ADARB2: variants seen among roughly 807,000 people sequenced by gnomAD.
ADARB2 encodes the protein inactive double-stranded RNA-specific editase B2.
Under a neutral mutation model 62.2 loss-of-function variants are expected in ADARB2, and 25 were observed. That is an observed-to-expected ratio of 0.40 (90% CI 0.29 to 0.56). The LOEUF is 0.56. Among genes scored for constraint, ADARB2 ranks in the 20% least tolerant of loss-of-function variants. ADARB2 has a pLI of 0.43. For synonymous variants in ADARB2, 572 were observed against 500.8 expected (o/e 1.14, Z -1.90); for missense variants, 1,071 against 1,077.4 (o/e 0.99, Z 0.08).
intron 7 of ADARB2, among the ~76,000 whole-genome samples, chr10:1,206,972 C>T (rs1837076716): frequency 6.6e-6 from 1 of 152,222 alleles, no homozygotes; most frequent in Non-Finnish European, 1.5e-5. Context: ...GGCAGCGGGG[C>T]TGCTGATTGT....
At chr10:1,363,979 C>T in intron 2 of ADARB2, 62 bp from the exon 3 acceptor site, 2 of 1,410,344 alleles carry the variant, frequency 1.4e-6, no homozygotes, top group Non-Finnish European at 1.8e-6. Context: ...ATGGGCACAG[C>T]AGGCACTCCC....
chr10:1,708,810 T>C (rs1462894677), intron 1 of ADARB2, among the ~76,000 whole-genome samples: 2 of 152,184 alleles, frequency 1.3e-5, no homozygotes, highest in Non-Finnish European at 2.9e-5. Context: ...TGAAATCCTT[T>C]TTCCTTCTTT....
Position 1,232,609 on chromosome 10 carries a change from TTG to T in ADARB2, c.1513+1083_1513+1084del, listed in dbSNP as rs1830818600. Among the ~76,000 whole-genome samples the T allele has an allele frequency of 4.2e-5, 6 of 141,446 alleles. 1 individual carries two copies. The South Asian group carries it at 9.0e-4, about 21-fold the overall frequency. 92.8% of individuals were successfully genotyped at this position (141,446 alleles called of 152,430 possible). ...TGCATGTGGTATATGTGGTATGTGT[TTG>T]TGGTATATGATGTGTGTGGTGTATG... On this transcript the variant is annotated intron_variant, in intron 6 of 9. Coordinates refer to ENST00000381312, the MANE Select transcript of ADARB2 (RefSeq NM_018702.4).
At chr10:1,200,413 T>C (rs1246022948) in intron 7 of ADARB2, 1 of 527,058 alleles carries the variant, frequency 1.9e-6, no homozygotes, top group African/African-American at 1.9e-5. Flanking sequence ...GTGGAAACTG[T>C]TATGTTCTCT....
chr10:1,389,647 G>T (rs1225215317), intron 1 of ADARB2, among the ~76,000 whole-genome samples: 4 of 152,024 alleles, frequency 2.6e-5, no homozygotes, highest in Non-Finnish European at 5.9e-5. Flanking sequence ...GGAGGCTAAG[G>T]TTCAAGAATC....
At chr10:1,388,357 A>C (rs56117517) in intron 1 of ADARB2, among the ~76,000 whole-genome samples, 41,420 of 151,934 alleles carry the variant, frequency 0.27, 6,657 homozygotes, top group Non-Finnish European at 0.36. Flanking sequence ...CTTCTATTCA[A>C]CATTGGACAG....
intron 8 of ADARB2, among the ~76,000 whole-genome samples, chr10:1,189,078 G>A (rs1392831): frequency 0.98 from 149,797 of 152,140 alleles, 73,813 homozygotes; most frequent in Middle Eastern, 1. Context: ...CGCAGCCTGA[G>A]TCACCCTCAA....
chr10:1,660,903 A>T (rs1420280828), intron 1 of ADARB2, among the ~76,000 whole-genome samples: 2 of 152,206 alleles, frequency 1.3e-5, no homozygotes, highest in Non-Finnish European at 2.9e-5. Flanking sequence ...ATCCAGCCCC[A>T]AAACATCAGC....
intron 1 of ADARB2, among the ~76,000 whole-genome samples, chr10:1,686,646 T>C (rs4880911): frequency 0.98 from 149,863 of 152,264 alleles, 73,793 homozygotes; most frequent in East Asian, 1. Flanking sequence ...TGGTGCACCC[T>C]GGCTTGTCTC....
chr10:1,295,269 C>A (rs1191277937), intron 3 of ADARB2, among the ~76,000 whole-genome samples: 1 of 152,064 alleles, frequency 6.6e-6, no homozygotes, highest in African/African-American at 2.4e-5. Flanking sequence ...ATCAGAGGAG[C>A]TAAAAGCCAA....
chr10:1,463,885 A>T (rs1364767498), intron 1 of ADARB2, among the ~76,000 whole-genome samples: 1 of 152,238 alleles, frequency 6.6e-6, no homozygotes, highest in Non-Finnish European at 1.5e-5. Context: ...TTGAGCAGAC[A>T]CTTTGCCGAA....
chr10:1,213,014 G>A (rs908199408), intron 7 of ADARB2, among the ~76,000 whole-genome samples: 1 of 152,242 alleles, frequency 6.6e-6, no homozygotes, highest in Non-Finnish European at 1.5e-5. Context: ...AGGAGGGAAA[G>A]GCTTTGGGGA....
At chr10:1,311,668 C>A (rs1188745518) in intron 3 of ADARB2, among the ~76,000 whole-genome samples, 2 of 152,188 alleles carry the variant, frequency 1.3e-5, no homozygotes, top group Non-Finnish European at 2.9e-5. Context: ...AGCTCCTCAA[C>A]CCTCCCCTCA....
intron 3 of ADARB2, among the ~76,000 whole-genome samples, chr10:1,274,896 C>G (rs1831299474): frequency 6.6e-6 from 1 of 152,240 alleles, no homozygotes; most frequent in Admixed American, 6.5e-5. Context: ...TGGCTGCAGG[C>G]TTCACTGCCT....
In ADARB2 at chr10:1,199,979, C is replaced by T; in HGVS notation, c.1851G>A (p.Arg617=). The change falls in exon 8 of 10, where the codon CGG becomes CGA. Residue 617 remains arginine, a synonymous_variant. Coordinates refer to ENST00000381312, the MANE Select transcript of ADARB2 (RefSeq NM_018702.4). ...GQLPASYRHN[R]PLLSGVSDAE... ...GGGGGTTCTTACCGCTGAGGAGAGG[C>T]CGGTTGTGCCGGTAGGAGGCGGGCA... The T allele has an allele frequency of 6.4e-7, 1 of 1,560,350 alleles. No individual in the cohort carries two copies. Among genetic ancestry groups the T allele is most frequent in the Non-Finnish European group, 8.6e-7 (1 of 1,156,150 alleles).
At chr10:1,616,441 C>A (rs963249875) in intron 1 of ADARB2, among the ~76,000 whole-genome samples, 1 of 128,246 alleles carries the variant, frequency 7.8e-6, no homozygotes, top group Non-Finnish European at 1.7e-5. Flanking sequence ...TGCATTCTGT[C>A]GCTAGATGTT....
chr10:1,727,602 G>A (rs1835182428), intron 1 of ADARB2, among the ~76,000 whole-genome samples: 2 of 152,094 alleles, frequency 1.3e-5, no homozygotes, highest in African/African-American at 2.4e-5. Context: ...ACATTTTAAC[G>A]GTTTAGTTTT....
intron 1 of ADARB2, among the ~76,000 whole-genome samples, chr10:1,594,601 C>T (rs777975270): frequency 6.6e-6 from 1 of 152,218 alleles, no homozygotes; most frequent in Non-Finnish European, 1.5e-5. Flanking sequence ...CACAGGGCCT[C>T]AGACAGACCC....
intron 4 of ADARB2, among the ~76,000 whole-genome samples, chr10:1,261,767 T>G (rs1831139472): frequency 6.7e-6 from 1 of 150,238 alleles, no homozygotes; most frequent in African/African-American, 2.5e-5. Flanking sequence ...AGAAATACCA[T>G]TTGACCCAGC....
Sources: gnomAD v4.1 joint callset for allele counts (sites outside exome capture counted in the v4.1 genomes callset) on GRCh38, gnomAD v4.1.1 for gene constraint, MANE v1.5 for transcripts, NCBI Gene and HGNC (gene_info 2026-07-23, HGNC 2026-07-21) for gene names.